LGSN: variants seen among roughly 807,000 people sequenced by gnomAD.
LGSN encodes lengsin, lens protein with glutamine synthetase domain.
Under a neutral mutation model 19.5 loss-of-function variants are expected in LGSN, and 21 were observed. The observed-to-expected ratio is 1.07, with a 90% CI of 0.76 to 1.55. The LOEUF (loss-of-function observed/expected upper bound fraction) is 1.55, where lower values mean the gene tolerates loss of function less well. Ranked by LOEUF, LGSN falls within the 40% of genes most tolerant of loss-of-function variation. LGSN has a pLI of 0.00. For synonymous variants in LGSN, 257 were observed against 215.6 expected, an observed-to-expected ratio of 1.19 and a Z score of -1.68; for missense variants, 673 against 608.5, an observed-to-expected ratio of 1.11 and a Z score of -1.12.
the LGSN span, among the ~76,000 whole-genome samples, chr6:63,534,623 C>A: frequency 6.6e-6 from 1 of 151,800 alleles, no homozygotes; most frequent in African/African-American, 2.4e-5. Context: ...GCCCAGGCAA[C>A]GTAGCAAGAC....
the LGSN span, among the ~76,000 whole-genome samples, chr6:63,438,353 T>C: frequency 6.6e-6 from 1 of 152,048 alleles, no homozygotes; most frequent in Non-Finnish European, 1.5e-5. Flanking sequence ...AATTGACAAA[T>C]GGGATCTAAT....
chr6:63,489,616 C>A, the LGSN span, among the ~76,000 whole-genome samples: 3 of 152,274 alleles, frequency 2.0e-5, no homozygotes, highest in East Asian at 5.8e-4. Flanking sequence ...ATGATCCACA[C>A]ACCTTGGCCT....
the LGSN span, among the ~76,000 whole-genome samples, chr6:63,472,025 A>G: frequency 6.6e-6 from 1 of 152,060 alleles, no homozygotes; most frequent in Non-Finnish European, 1.5e-5. Context: ...TTTCTCTCTA[A>G]TCCTCACCCT....
At chr6:63,450,193 CA>C in the LGSN span, among the ~76,000 whole-genome samples, 238 of 94,774 alleles carry the variant, frequency 2.5e-3, no homozygotes, top group Middle Eastern at 0.016. Context: ...CTAAAAAATG[CA>C]AAAAAAAAAA....
At chr6:63,553,668 C>T in the LGSN span, among the ~76,000 whole-genome samples, 1 of 152,072 alleles carries the variant, frequency 6.6e-6, no homozygotes, top group Admixed American at 6.6e-5. Context: ...ATTGCATTAT[C>T]ACTGATTAGG....
the LGSN span, among the ~76,000 whole-genome samples, chr6:63,385,008 A>T: frequency 1.3e-5 from 2 of 152,238 alleles, no homozygotes; most frequent in Non-Finnish European, 2.9e-5. Flanking sequence ...GGATGACCTC[A>T]GAAAAAACAA....
rs116202732 is a variant in LGSN at position 63,295,769 on chromosome 6, G to C, written c.31-724C>G. Among the ~76,000 whole-genome samples the C allele has an allele frequency of 2.2e-3, 336 of 152,282 alleles. 2 individuals carry two copies. Among genetic ancestry groups the C allele is most frequent in the African/African-American group, 7.8e-3 (323 of 41,562 alleles). ...GTGAGGCACAGGCTGGTGCTGGGGA[G>C]CTCAGGAATCTCAGCACTAACAGTG... On this transcript the variant is annotated intron_variant, in intron 1 of 3. Coordinates refer to ENST00000370657, the MANE Select transcript of LGSN (RefSeq NM_016571.3).
chr6:63,317,296 T>C (rs1290394472), intron 1 of LGSN, among the ~76,000 whole-genome samples: 1 of 152,210 alleles, frequency 6.6e-6, no homozygotes, highest in African/African-American at 2.4e-5. Context: ...TCCCTTCCTG[T>C]AGGCACTATT....
chr6:63,395,366 T>C, the LGSN span: 1 of 152,186 alleles, frequency 6.6e-6, no homozygotes, highest in Admixed American at 6.5e-5. Context: ...TCCTAGGGTA[T>C]TGGGGGGCTT....
chr6:63,566,161 C>T, the LGSN span, among the ~76,000 whole-genome samples: 1 of 152,206 alleles, frequency 6.6e-6, no homozygotes, highest in African/African-American at 2.4e-5. Flanking sequence ...AGAATTCGTA[C>T]AACAGAGTAC....
chr6:63,496,225 C>T, the LGSN span, among the ~76,000 whole-genome samples: 1 of 152,178 alleles, frequency 6.6e-6, no homozygotes, highest in African/African-American at 2.4e-5. Context: ...GTGTCCAGCC[C>T]TCTTGTGTTA....
At chr6:63,365,625 A>G in the LGSN span, among the ~76,000 whole-genome samples, 1 of 152,200 alleles carries the variant, frequency 6.6e-6, no homozygotes, top group Admixed American at 6.5e-5. Flanking sequence ...TCTGGCAGAG[A>G]CACAACAAAA....
chr6:63,427,989 ATAAT>A, the LGSN span, among the ~76,000 whole-genome samples: 5 of 152,198 alleles, frequency 3.3e-5, no homozygotes, highest in Admixed American at 1.3e-4. Context: ...TAAATCTAGC[ATAAT>A]TATTTTAATT....
the LGSN span, among the ~76,000 whole-genome samples, chr6:63,468,759 G>T: frequency 5.9e-5 from 9 of 151,524 alleles, no homozygotes; most frequent in Admixed American, 2.0e-4. Context: ...GTTTTTGGGG[G>T]TTTTTTTGAG....
the LGSN span, among the ~76,000 whole-genome samples, chr6:63,514,589 C>T: frequency 5.3e-5 from 8 of 152,218 alleles, no homozygotes; most frequent in African/African-American, 1.9e-4. Context: ...GTTGTCACAA[C>T]AATGAAATGT....
intron 1 of LGSN, among the ~76,000 whole-genome samples, chr6:63,310,778 T>G (rs1768596134): frequency 6.6e-6 from 1 of 152,148 alleles, no homozygotes; most frequent in African/African-American, 2.4e-5. Context: ...AGGAGCCAAA[T>G]CAGTGCTGTA....
the LGSN span, among the ~76,000 whole-genome samples, chr6:63,495,814 G>A: frequency 6.6e-6 from 1 of 151,892 alleles, no homozygotes; most frequent in South Asian, 2.1e-4. Context: ...AATAAATACT[G>A]CATAAGCCTG....
At chr6:63,514,379 C>G in the LGSN span, among the ~76,000 whole-genome samples, 1 of 152,218 alleles carries the variant, frequency 6.6e-6, no homozygotes, top group African/African-American at 2.4e-5. Context: ...AGCCATGCAC[C>G]ACCATGCCAA....
the LGSN span, among the ~76,000 whole-genome samples, chr6:63,562,708 A>G: frequency 6.6e-6 from 1 of 152,226 alleles, no homozygotes; most frequent in African/African-American, 2.4e-5. Context: ...ATTGTAATCT[A>G]TCAAGAGTTT....
Sources: gnomAD v4.1 joint callset for allele counts (sites outside exome capture counted in the v4.1 genomes callset) on GRCh38, gnomAD v4.1.1 for gene constraint, MANE v1.5 for transcripts, NCBI Gene and HGNC (gene_info 2026-07-23, HGNC 2026-07-21) for gene names.